Variants in MAGI2 observed in about 807,000 individuals in gnomAD.
MAGI2 encodes the protein membrane-associated guanylate kinase, WW and PDZ domain-containing protein 2.
MAGI2 carries 35 observed loss-of-function variants against 133.3 expected under a neutral mutation model. The observed-to-expected ratio is 0.26, with a 90% CI of 0.20 to 0.35. The LOEUF (loss-of-function observed/expected upper bound fraction) is 0.35. Ranked by LOEUF, MAGI2 falls within the 10% of genes least tolerant of loss-of-function variation. The probability of loss-of-function intolerance (pLI) is 1.00; values close to 1 mark genes in which losing one functional copy is unlikely to be tolerated. For missense variants in MAGI2, 1,636 were observed against 1,863.4 expected, an observed-to-expected ratio of 0.88 and a Z score of 2.25; for synonymous variants, 729 against 710.6, an observed-to-expected ratio of 1.03 and a Z score of -0.41.
intron 10 of MAGI2, among the ~76,000 whole-genome samples, chr7:78,235,166 C>T (rs1249581557): frequency 6.6e-6 from 1 of 151,972 alleles, no homozygotes; most frequent in Non-Finnish European, 1.5e-5. Context: ...TAAATTTGAC[C>T]ATCCTCCTGT....
intron 1 of MAGI2, among the ~76,000 whole-genome samples, chr7:79,230,840 T>C (rs1831305319): frequency 6.7e-6 from 1 of 148,508 alleles, no homozygotes; most frequent in African/African-American, 2.5e-5. Flanking sequence ...CCATTGCTTT[T>C]GGTGTTTTGG....
At chr7:78,091,052 A>ATGTGTGTGTGTGTG (rs3084764) in intron 20 of MAGI2, among the ~76,000 whole-genome samples, 5 of 150,118 alleles carry the variant, frequency 3.3e-5, no homozygotes, top group Admixed American at 6.7e-5. Flanking sequence ...ATGTGTGTGT[A>ATGTGTGTGTGTGTG]TGTGTGTGTG....
chr7:78,932,109 T>A (rs903118919), intron 2 of MAGI2, among the ~76,000 whole-genome samples: 3 of 151,764 alleles, frequency 2.0e-5, no homozygotes, highest in African/African-American at 7.3e-5. Context: ...TATGCCCAAA[T>A]TCCCCCATGG....
intron 6 of MAGI2, among the ~76,000 whole-genome samples, chr7:78,442,695 A>T (rs573026490): frequency 6.6e-6 from 1 of 152,334 alleles, no homozygotes; most frequent in South Asian, 2.1e-4. Context: ...CTCAGACAAC[A>T]TATTATTGAT....
intron 1 of MAGI2, among the ~76,000 whole-genome samples, chr7:79,327,682 C>G (rs1233618694): frequency 1.3e-5 from 2 of 151,674 alleles, no homozygotes; most frequent in African/African-American, 2.4e-5. Context: ...CTCTATTTCA[C>G]ACACACACAC....
chr7:78,390,101 T>C (rs1795760196), intron 6 of MAGI2, among the ~76,000 whole-genome samples: 1 of 152,254 alleles, frequency 6.6e-6, no homozygotes, highest in Non-Finnish European at 1.5e-5. Context: ...TTTTCTTTTA[T>C]ATTTGACATC....
chr7:78,263,166 G>A (rs1584616220), intron 9 of MAGI2, among the ~76,000 whole-genome samples: 1 of 152,262 alleles, frequency 6.6e-6, no homozygotes, highest in East Asian at 1.9e-4. Flanking sequence ...TTTTATGTCT[G>A]TGTAGTATTC....
In MAGI2 at chr7:78,019,439, C is replaced by A; in HGVS notation, c.4244G>T (p.Gly1415Val). The A allele has an allele frequency of 1.0e-6, 1 of 999,746 alleles. No homozygotes were observed. The highest frequency in any genetic ancestry group is 1.2e-6 in the Non-Finnish European group (1 of 841,318). The allele number at this position is 999,746 out of a possible 1,614,324, so 61.9% of individuals were successfully genotyped here. Residue 1415 changes from glycine to valine, a missense_variant, in exon 22 of 22, where the codon GGC (glycine) becomes GTC (valine). Around this residue, in one of 5 missense-constraint regions of MAGI2, gnomAD observed 354 missense variants for 298.7 expected, o/e 1.19. Coordinates refer to ENST00000354212, the MANE Select transcript of MAGI2 (RefSeq NM_012301.4). ...CGGGGCGCCCCCCGGGGGTCGCGGG[C>A]CCGGCCGGGGACCCGCGCGCGCACC... ...RAGARAGPRP[G>V]PRPPGGAPAR...
At chr7:78,693,769 A>G (rs1187835862) in intron 2 of MAGI2, among the ~76,000 whole-genome samples, 1 of 152,084 alleles carries the variant, frequency 6.6e-6, no homozygotes, top group Non-Finnish European at 1.5e-5. Flanking sequence ...TTTCCACCTT[A>G]TGTTAGTAGT....
intron 1 of MAGI2, among the ~76,000 whole-genome samples, chr7:79,230,021 C>A (rs550960803): frequency 6.9e-6 from 1 of 144,248 alleles, no homozygotes; most frequent in South Asian, 2.2e-4. Flanking sequence ...CAATTCCCAC[C>A]TATGAGTGAG....
At position 78,748,563 on chromosome 7, in the gene MAGI2, G is replaced by A. The variant is rs142940844; in HGVS notation, c.419-121324C>T. 1.1e-3 allele frequency among the ~76,000 whole-genome samples: 162 copies of A among 152,214 alleles called. 6 individuals are homozygous for A. In the East Asian group the frequency reaches 0.025, roughly 23 times the overall value. ...ATTTACTGCTTGATATAAATCCTATGTTATTTGTGTCTTTAATTATATTTT... is the reference window on the plus strand; with the variant it reads ...ATTTACTGCTTGATATAAATCCTATATTATTTGTGTCTTTAATTATATTTT... On this transcript the variant is annotated intron_variant, in intron 2 of 21. Coordinates refer to ENST00000354212, the MANE Select transcript of MAGI2 (RefSeq NM_012301.4).
At chr7:79,014,137 G>T (rs1170495368) in intron 1 of MAGI2, among the ~76,000 whole-genome samples, 4 of 152,266 alleles carry the variant, frequency 2.6e-5, no homozygotes, top group East Asian at 3.9e-4. Context: ...CAGAGAAAAT[G>T]ACAGAGATAA....
At chr7:78,837,756 A>G (rs575267816) in intron 2 of MAGI2, among the ~76,000 whole-genome samples, 1 of 152,236 alleles carries the variant, frequency 6.6e-6, no homozygotes, top group South Asian at 2.1e-4. Context: ...GTTTTAATGG[A>G]ACTGAATTTT....
At chr7:78,588,058 A>G (rs1803603971) in intron 3 of MAGI2, among the ~76,000 whole-genome samples, 1 of 152,094 alleles carries the variant, frequency 6.6e-6, no homozygotes, top group African/African-American at 2.4e-5. Flanking sequence ...ACTTTTTGGG[A>G]AAAAAAGTAA....
chr7:79,158,033 G>C (rs774527711), intron 1 of MAGI2, among the ~76,000 whole-genome samples: 1 of 150,580 alleles, frequency 6.6e-6, no homozygotes, highest in Non-Finnish European at 1.5e-5. Context: ...AGTTAAATTG[G>C]TTTTAATTTC....
In MAGI2 at chr7:78,019,468, C is replaced by T. The variant is rs1808077941; in HGVS notation, c.4215G>A (p.Arg1405=). 1.6e-5 allele frequency: 16 copies of T among 980,794 alleles called. No individual in the cohort carries two copies. The highest frequency in any genetic ancestry group is 1.8e-5 in the Non-Finnish European group (15 of 828,594). 60.8% of individuals were successfully genotyped at this position (980,794 alleles called of 1,614,324 possible). A position where few individuals can be genotyped will look rare whatever the true frequency, so the allele number is the denominator to read the frequency against. ...GGSGALEAEG[R]AGARAGPRPG... ...GCCGGGGACCCGCGCGCGCACCCGC[C>T]CTGCCCTCGGCCTCCAGCGCGCCGC... The change falls in exon 22 of 22, where the codon AGG becomes AGA. Residue 1405 remains arginine, a synonymous_variant. Transcript: ENST00000354212.
chr7:78,494,145 T>A (rs1793880896), intron 5 of MAGI2, among the ~76,000 whole-genome samples: 1 of 152,136 alleles, frequency 6.6e-6, no homozygotes, highest in Non-Finnish European at 1.5e-5. Flanking sequence ...CATACCTGAC[T>A]AATTTTTTGT....
chr7:79,137,077 G>A (rs528191420), intron 1 of MAGI2, among the ~76,000 whole-genome samples: 1 of 152,100 alleles, frequency 6.6e-6, no homozygotes, highest in South Asian at 2.1e-4. Flanking sequence ...TGCCTCCCAG[G>A]TTCAAACTGA....
chr7:79,165,406 C>T (rs889262726), intron 1 of MAGI2, among the ~76,000 whole-genome samples: 20 of 152,048 alleles, frequency 1.3e-4, no homozygotes, highest in African/African-American at 4.6e-4. Context: ...TTAAAAAAAC[C>T]CTCTAGTGAA....
Sources: gnomAD v4.1 joint callset for allele counts (sites outside exome capture counted in the v4.1 genomes callset) on GRCh38, gnomAD v4.1.1 for gene constraint, gnomAD v4.1.1 regional missense constraint, MANE v1.5 for transcripts, NCBI Gene and HGNC (gene_info 2026-07-23, HGNC 2026-07-21) for gene names.